The following GLI2 variants were observed in gnomAD, a reference collection of about 807,000 sequenced individuals.
The protein encoded by GLI2 is GLI family zinc finger 2.
A neutral mutation model predicts 78.9 loss-of-function variants in GLI2; 22 were observed. That is an observed-to-expected ratio of 0.28 (90% confidence interval 0.20 to 0.40). The LOEUF (loss-of-function observed/expected upper bound fraction) is 0.40, where lower values mean the gene tolerates loss of function less well. Among genes scored for constraint, GLI2 ranks in the 10% least tolerant of loss-of-function variants. The pLI is 1.00. For missense variants in GLI2, 2,097 were observed against 2,213.2 expected, an observed-to-expected ratio of 0.95 and a Z score of 1.05; for synonymous variants, 974 against 963.7, an observed-to-expected ratio of 1.01 and a Z score of -0.20.
intron 2 of GLI2, among the ~76,000 whole-genome samples, chr2:120,842,058 C>CAAAAAA (rs571517244): frequency 4.0e-5 from 3 of 74,520 alleles, no homozygotes; most frequent in Admixed American, 1.6e-4. Context: ...TTTGTCAACT[C>CAAAAAA]AAAAAAAAAA....
intron 1 of GLI2, among the ~76,000 whole-genome samples, chr2:120,740,249 C>A (rs1682488507): frequency 6.6e-6 from 1 of 152,022 alleles, no homozygotes. Flanking sequence ...TATTTTCCCC[C>A]AATTCTTTCA....
At chr2:120,970,370 T>C (rs139360762) in intron 6 of GLI2, 23 bp from the exon 7 acceptor site, 1 of 1,389,372 alleles carries the variant, frequency 7.2e-7, no homozygotes, top group Non-Finnish European at 1.0e-6. Flanking sequence ...CACCCCCACT[T>C]CCTTGTCTGC....
intron 2 of GLI2, among the ~76,000 whole-genome samples, chr2:120,907,970 C>G (rs1322882491): frequency 6.6e-6 from 1 of 152,152 alleles, no homozygotes; most frequent in Non-Finnish European, 1.5e-5. Context: ...CAAGGGGGAG[C>G]CAATTGATCC....
chr2:120,769,152 C>T (rs915588323), intron 1 of GLI2, among the ~76,000 whole-genome samples: 1 of 152,224 alleles, frequency 6.6e-6, no homozygotes, highest in Non-Finnish European at 1.5e-5. Context: ...AATCCACTCT[C>T]TCTGGAGCCC....
chr2:120,951,481 G>A (rs1320667764), intron 4 of GLI2, 36 bp downstream of exon 4: 4 of 1,388,952 alleles, frequency 2.9e-6, no homozygotes, highest in South Asian at 1.2e-5. Flanking sequence ...GGGCAGCTAG[G>A]GCACTGGGGC....
At chr2:120,897,037 G>T (rs1678005048) in intron 2 of GLI2, among the ~76,000 whole-genome samples, 1 of 152,216 alleles carries the variant, frequency 6.6e-6, no homozygotes, top group South Asian at 2.1e-4. Context: ...TGGCCTGTGT[G>T]AGGGAGAGGG....
intron 2 of GLI2, among the ~76,000 whole-genome samples, chr2:120,845,428 C>T (rs1208894427): frequency 6.6e-6 from 1 of 152,240 alleles, no homozygotes; most frequent in Non-Finnish European, 1.5e-5. Context: ...GGAACTAGAT[C>T]AGTCCTGGTT....
chr2:120,956,815 G>C (rs1009509608), intron 5 of GLI2, among the ~76,000 whole-genome samples: 1 of 152,072 alleles, frequency 6.6e-6, no homozygotes, highest in Non-Finnish European at 1.5e-5. Context: ...AATCATGTGG[G>C]ACCAGGCGGG....
At chr2:120,783,581 C>T (rs1004644407) in intron 1 of GLI2, among the ~76,000 whole-genome samples, 1 of 152,014 alleles carries the variant, frequency 6.6e-6, no homozygotes, top group African/African-American at 2.4e-5. Flanking sequence ...ACGGCAAAGG[C>T]ACTTAATTCT....
intron 2 of GLI2, among the ~76,000 whole-genome samples, chr2:120,864,449 G>C (rs1166282502): frequency 6.6e-6 from 1 of 152,074 alleles, no homozygotes; most frequent in East Asian, 1.9e-4. Context: ...ATTGGAGTGG[G>C]CTTGCCAGAG....
chr2:120,972,323 C>T (rs1682225600), intron 8 of GLI2, among the ~76,000 whole-genome samples: 1 of 152,358 alleles, frequency 6.6e-6, no homozygotes, highest in South Asian at 2.1e-4. Context: ...CTAGCCATCC[C>T]TCTTGTCTCA....
At chr2:120,848,313 G>A (rs567325815) in intron 2 of GLI2, among the ~76,000 whole-genome samples, 1 of 152,188 alleles carries the variant, frequency 6.6e-6, no homozygotes, top group Non-Finnish European at 1.5e-5. Context: ...CCTCCATTAA[G>A]AGCTCCTTGG....
intron 1 of GLI2, among the ~76,000 whole-genome samples, chr2:120,763,901 A>C (rs1683292345): frequency 6.6e-6 from 1 of 152,238 alleles, no homozygotes; most frequent in Non-Finnish European, 1.5e-5. Flanking sequence ...GGGTTTTGTC[A>C]ACAAGTGGGC....
Position 120,982,880 on chromosome 2 carries a change from G to C in GLI2, c.1632G>C (p.Glu544Asp). Reference protein sequence around the residue: ...AKHQNRTHSNEKPYICKIPGC... With the variant: ...AKHQNRTHSNDKPYICKIPGC... ...ACCAGAATCGCACCCACTCCAACGA[G>C]GTACCTCTGCGGGGCATGCACTGGG... The change falls in exon 11 of 14, where the codon GAG (glutamate) becomes GAC (aspartate). Residue 544 changes from glutamate (E) to aspartate (D), a missense_variant and splice_region_variant. By Grantham distance (45) the Glu-to-Asp change is conservative. Coordinates refer to ENST00000361492, the MANE Select transcript of GLI2 (RefSeq NM_001374353.1). 6.2e-7 allele frequency: 1 copy of C among 1,613,792 alleles called. No individual in the cohort carries two copies. Among genetic ancestry groups the C allele is most frequent in the Non-Finnish European group, 8.5e-7 (1 of 1,179,866 alleles).
intron 3 of GLI2, among the ~76,000 whole-genome samples, chr2:120,936,013 G>T (rs967897020): frequency 6.6e-6 from 1 of 151,738 alleles, no homozygotes; most frequent in Non-Finnish European, 1.5e-5. Flanking sequence ...GGCGTGCAGT[G>T]GGGGAGGGGC....
At chr2:120,906,821 C>T (rs1678558085) in intron 2 of GLI2, among the ~76,000 whole-genome samples, 1 of 152,182 alleles carries the variant, frequency 6.6e-6, no homozygotes, top group Admixed American at 6.5e-5. Context: ...GACTCGCCCT[C>T]CCTGCATCCC....
intron 2 of GLI2, among the ~76,000 whole-genome samples, chr2:120,849,628 A>G (rs1687307172): frequency 6.6e-6 from 1 of 152,242 alleles, no homozygotes; most frequent in Non-Finnish European, 1.5e-5. Flanking sequence ...ACCATTGGAC[A>G]AGCCCCACTC....
intron 2 of GLI2, among the ~76,000 whole-genome samples, chr2:120,857,292 C>T (rs1379224423): frequency 6.6e-6 from 1 of 151,756 alleles, no homozygotes; most frequent in Admixed American, 6.6e-5. Flanking sequence ...CAACCACCCA[C>T]CTACCCATCT....
rs1681383344 is a variant in GLI2, at chr2:120,958,446, T to G, written c.643+3016T>G. Among the ~76,000 whole-genome samples, 4 of 152,222 alleles carry G rather than the reference T, an allele frequency of 2.6e-5. No homozygotes were observed. In the South Asian group the frequency reaches 6.2e-4, roughly 24 times the overall value. On this transcript the variant is annotated intron_variant, in intron 5 of 13. Coordinates refer to ENST00000361492, the MANE Select transcript of GLI2 (RefSeq NM_001374353.1). The stretch of plus-strand genomic sequence containing the variant: ...TCTCCCATCCATCCCATCCTGTCCC[T>G]CAGGCCTCCAAGAGTGGCGTGTCAC...
Sources: allele counts gnomAD v4.1 joint callset (sites outside exome capture counted in the v4.1 genomes callset), GRCh38; gene constraint gnomAD v4.1.1; transcripts MANE v1.5; gene names NCBI Gene and HGNC (gene_info 2026-07-23, HGNC 2026-07-21).